Variants in CEP170B observed in about 807,000 individuals in gnomAD.
CEP170B encodes the protein centrosomal protein of 170 kDa protein B.
Under a neutral mutation model 120.6 loss-of-function variants are expected in CEP170B, and 55 were observed. The ratio of observed to expected loss-of-function variants is 0.46; its 90% confidence interval spans 0.37 to 0.57. The LOEUF is 0.57. CEP170B is among the 20% of genes least tolerant of loss of function. CEP170B has a pLI of 0.00. For missense variants in CEP170B, 2,212 were observed against 2,253.3 expected (o/e 0.98, Z 0.37); for synonymous variants, 1,033 against 954.5 (o/e 1.08, Z -1.52).
chr14:104,886,372 C>T lies in CEP170B; in HGVS notation c.2133C>T (p.Ser711=). ...LPQLPSERAD[S]PAGPESSRRS... is the part of the protein sequence containing the mutation. ...AGCTGCCCAGTGAGAGGGCTGACAG[C>T]CCTGCGGGCCCAGAGAGCAGCAGGA... Residue 711 remains serine (S), a synonymous_variant, in exon 12 of 19, where the codon AGC becomes AGT. Transcript: ENST00000414716. The T allele has an allele frequency of 1.3e-6, 2 of 1,579,776 alleles. No individual in the cohort carries two copies. Among genetic ancestry groups the T allele is most frequent in the Non-Finnish European group, 1.7e-6 (2 of 1,164,790 alleles).
chr14:104,883,068 A>T lies in CEP170B; in HGVS notation c.611A>T (p.Glu204Val). ...RPKGPVQQDG[E>V]LHGFRAPAEP... ...AAGGGACCAGTGCAGCAGGACGGGGAGCTCCACGGCTTCCGCGCCCCTGCT... is the reference window on the plus strand; with the variant it reads ...AAGGGACCAGTGCAGCAGGACGGGGTGCTCCACGGCTTCCGCGCCCCTGCT... The change falls in exon 8 of 19, where the codon GAG becomes GTG. Residue 204 changes from glutamate (E) to valine (V), a missense_variant. Around this residue, in one of 2 missense-constraint regions of CEP170B, gnomAD observed 2,166 missense variants for 2,166.7 expected, o/e 1.00. Transcript: ENST00000414716. The T allele has an allele frequency of 6.4e-7, 1 of 1,552,130 alleles. No homozygotes were observed. The highest frequency in any genetic ancestry group is 1.2e-5 in the South Asian group (1 of 85,134).
At chr14:104,873,602 A>G (rs959916684) in intron 2 of CEP170B, among the ~76,000 whole-genome samples, 5 of 151,960 alleles carry the variant, frequency 3.3e-5, no homozygotes, top group African/African-American at 1.2e-4. Flanking sequence ...AGGACCTGGA[A>G]GGTGTGCAGA....
At position 104,893,509 on chromosome 14, in the gene CEP170B, C is replaced by G. The variant is rs768703063; in HGVS notation, c.4039-14C>G. The G allele has an allele frequency of 1.9e-6, 3 of 1,598,860 alleles. No individual in the cohort carries two copies. Among genetic ancestry groups the G allele is most frequent in the Admixed American group, 1.7e-5 (1 of 58,518 alleles). ...TCTGCCTGGGGCCCACGGTGCCGGC[C>G]CTCCCTCTTGCAGCTGGTGCAGCGC... On this transcript the variant is annotated splice_polypyrimidine_tract_variant and intron_variant, in intron 14 of 18. Coordinates refer to ENST00000414716, the MANE Select transcript of CEP170B (RefSeq NM_001112726.3).
chr14:104,889,966 ATAGGAGGGTGGGTGGG>A (rs1362570018), intron 13 of CEP170B, among the ~76,000 whole-genome samples: 2 of 17,406 alleles, frequency 1.1e-4, no homozygotes, highest in African/African-American at 1.4e-4. Context: ...GGATGGATGG[ATAGGAGGGTGGGTGGG>A]TGGATGGATG....
Position 104,885,497 on chromosome 14 carries a change from G to A in CEP170B, c.1899G>A (p.Glu633=), listed in dbSNP as rs1316646466. 6.4e-7 allele frequency: 1 copy of A among 1,567,282 alleles called. No individual in the cohort carries two copies. The highest frequency in any genetic ancestry group is 8.6e-7 in the Non-Finnish European group (1 of 1,158,002). Residue 633 remains glutamate, a synonymous_variant, in exon 10 of 19, where the codon GAG becomes GAA. Transcript: ENST00000414716. ...GVAQRMALLQ[E]FASRPLGAAP... ...CCCAGCGGATGGCGCTACTGCAGGA[G>A]TTTGCCTCCCGGCCACTGGGTGCGG...
chr14:104,879,529 G>A (rs549607010), intron 5 of CEP170B, among the ~76,000 whole-genome samples: 5 of 152,222 alleles, frequency 3.3e-5, no homozygotes, highest in East Asian at 1.9e-4. Flanking sequence ...AAGGCCCCCC[G>A]AGTTCCTGTC....
At chr14:104,877,836 A>ACCCCCCCCCCCCCCCCCC in intron 3 of CEP170B, 49 bp from the exon 4 acceptor site, 2 of 237,064 alleles carry the variant, frequency 8.4e-6, no homozygotes, top group Non-Finnish European at 1.3e-5. Flanking sequence ...GCCCACAGCC[A>ACCCCCCCCCCCCCCCCCC]CCCACCCGCG....
At position 104,882,025 on chromosome 14, in the gene CEP170B, G is replaced by A. The variant is rs534150883; in HGVS notation, c.473-703G>A. On this transcript the variant is annotated intron_variant, in intron 6 of 18. Coordinates refer to ENST00000414716, the MANE Select transcript of CEP170B (RefSeq NM_001112726.3). ...CCGCAAGGATGGAAAGAGCTTGGGT[G>A]GAGGGCCCAGGAAGGAGACTGTGGG... Among the ~76,000 whole-genome samples the A allele has an allele frequency of 1.2e-4, 18 of 152,260 alleles. No homozygotes were observed. In the East Asian group the frequency reaches 3.1e-3, roughly 26 times the overall value.
At position 104,880,384 on chromosome 14, in the gene CEP170B, C is replaced by T. The variant is rs762471036; in HGVS notation, c.431C>T (p.Ser144Leu). The change falls in exon 6 of 19, where the codon TCG becomes TTG. Residue 144 changes from serine (S) to leucine (L), a missense_variant. Ser to Leu is a moderately radical substitution (Grantham distance 145, BLOSUM62 -2). Coordinates refer to ENST00000414716, the MANE Select transcript of CEP170B (RefSeq NM_001112726.3). ...GAACACACACCATACTGCGAGGCCT[C>T]GAACCCCAGGCCGGAGAAGGGGGAC... Reference protein sequence around the residue: ...LPEHTPYCEASNPRPEKGDRR... With the variant: ...LPEHTPYCEALNPRPEKGDRR... The T allele has an allele frequency of 1.2e-5, 19 of 1,612,486 alleles. No individual in the cohort carries two copies. The South Asian group carries it at 1.2e-4, about 10-fold the overall frequency.
rs1450338146 is a variant in CEP170B at position 104,887,327 on chromosome 14, G to A, written c.3088G>A (p.Ala1030Thr). The change falls in exon 12 of 19, where the codon GCC becomes ACC. Residue 1030 changes from alanine (A) to threonine (T), a missense_variant. Around this residue, in one of 2 missense-constraint regions of CEP170B, gnomAD observed 2,166 missense variants for 2,166.7 expected, o/e 1.00. Transcript: ENST00000414716. ...MGRGEPVRRS[A>T]IRRGHRPRGS... Reference sequence around the variant, plus strand: ...CCGTGGAGAGCCGGTACGGCGCTCAGCCATAAGGCGTGGCCACAGGCCCCG... The same window carrying A: ...CCGTGGAGAGCCGGTACGGCGCTCAACCATAAGGCGTGGCCACAGGCCCCG... The A allele has an allele frequency of 6.2e-7, 1 of 1,610,936 alleles. No individual in the cohort carries two copies.
chr14:104,887,889 T>C lies in CEP170B; in HGVS notation c.3650T>C (p.Val1217Ala), dbSNP rs756538087. The C allele has an allele frequency of 2.6e-6, 4 of 1,561,966 alleles. No homozygotes were observed. The highest frequency in any genetic ancestry group is 2.3e-5 in the South Asian group (2 of 85,780). Residue 1217 changes from valine to alanine, a missense_variant, in exon 12 of 19, where the codon GTC becomes GCC. Physicochemically the swap from Val to Ala is moderately conservative, Grantham distance 64. This residue lies in a region of CEP170B where 2,166 missense variants were observed against 2,166.7 expected (regional missense o/e 1.00). Coordinates refer to ENST00000414716, the MANE Select transcript of CEP170B (RefSeq NM_001112726.3). ...RKPTMAEARA[V>A]SRKAANTATT... The stretch of plus-strand genomic sequence containing the variant: ...CCCACCATGGCCGAAGCACGGGCTG[T>C]CTCCAGGAAGGCTGCCAACACAGCC...
At chr14:104,877,846 GCAGCTC>G in intron 3 of CEP170B, 33 bp from the exon 4 acceptor site, 1 of 316,222 alleles carries the variant, frequency 3.2e-6, no homozygotes, top group Non-Finnish European at 5.1e-6. Flanking sequence ...ACCCACCCGC[GCAGCTC>G]CCCCCCCCCC....
intron 5 of CEP170B, 83 bp downstream of exon 5, chr14:104,878,584 C>G: frequency 6.9e-7 from 1 of 1,459,530 alleles, no homozygotes; most frequent in Non-Finnish European, 9.5e-7. Flanking sequence ...TGCCATCTCC[C>G]CAGCAAACAC....
In CEP170B at chr14:104,889,527, G is replaced by A. The variant is rs768912703; in HGVS notation, c.3740-93G>A. On this transcript the variant is annotated intron_variant, in intron 12 of 18. Transcript: ENST00000414716. The stretch of plus-strand genomic sequence containing the variant: ...TTCACTCACCAAGACACGAGGCGCC[G>A]GCAGCAGGGCTCGGATTACACGTCC... 2.3e-5 allele frequency: 37 copies of A among 1,589,574 alleles called. No homozygotes were observed. In the East Asian group the frequency reaches 3.4e-4, roughly 15 times the overall value.
In CEP170B at chr14:104,865,771, G is replaced by A. The variant is rs1895171353; in HGVS notation, c.-28+258G>A. Among the ~76,000 whole-genome samples, 1 of 152,036 alleles carries A rather than the reference G, an allele frequency of 6.6e-6. No individual in the cohort carries two copies. Among genetic ancestry groups the A allele is most frequent in the Non-Finnish European group, 1.5e-5 (1 of 67,974 alleles). Reference sequence around the variant, plus strand: ...GGCAAGCCTGGGCACCCGGGTCCCCGCCCCGGCACCGGCTCGGCCATGGCC... The same window carrying A: ...GGCAAGCCTGGGCACCCGGGTCCCCACCCCGGCACCGGCTCGGCCATGGCC... On this transcript the variant is annotated intron_variant, in intron 1 of 18. Coordinates refer to ENST00000414716, the MANE Select transcript of CEP170B (RefSeq NM_001112726.3). The surrounding 1 kb of genome is among the most constrained non-coding windows in gnomAD (Gnocchi z 6.7).
intron 5 of CEP170B, among the ~76,000 whole-genome samples, chr14:104,879,357 G>A (rs1294715333): frequency 1.3e-5 from 2 of 152,064 alleles, no homozygotes; most frequent in African/African-American, 2.4e-5. Context: ...GATTAAGTTC[G>A]CTCCAGGTTA....
At chr14:104,877,180 C>A (rs1258896767) in intron 3 of CEP170B, among the ~76,000 whole-genome samples, 1 of 152,192 alleles carries the variant, frequency 6.6e-6, no homozygotes, top group African/African-American at 2.4e-5. Flanking sequence ...CTCCCTCCTC[C>A]CGCAGCATGC....
intron 2 of CEP170B, among the ~76,000 whole-genome samples, chr14:104,869,738 G>A (rs1334845356): frequency 3.3e-5 from 5 of 152,190 alleles, no homozygotes; most frequent in Non-Finnish European, 7.3e-5. Flanking sequence ...CTGCCCAGTG[G>A]GGACGCAGCA....
intron 8 of CEP170B, 90 bp from the exon 9 acceptor site, chr14:104,883,741 A>G: frequency 7.6e-7 from 1 of 1,308,398 alleles, no homozygotes; most frequent in Non-Finnish European, 1.0e-6. Context: ...TTGTCAACTC[A>G]GCTAAGGCAT....
Sources: gnomAD v4.1 joint callset for allele counts (sites outside exome capture counted in the v4.1 genomes callset) on GRCh38, gnomAD v4.1.1 for gene constraint, gnomAD v4.1.1 regional missense constraint, Gnocchi (gnomAD v3.1) non-coding constraint, MANE v1.5 for transcripts, NCBI Gene and HGNC (gene_info 2026-07-23, HGNC 2026-07-21) for gene names.